Variants in PLA2G5 observed in about 807,000 individuals in gnomAD.
PLA2G5 encodes phospholipase A2 group V.
In PLA2G5, 12 loss-of-function variants were observed where a neutral mutation model predicts 15.9. The observed-to-expected ratio is 0.76, with a 90% confidence interval of 0.48 to 1.23. PLA2G5 has a LOEUF of 1.23. PLA2G5 is among the 50% of genes most tolerant of loss of function. The pLI is 0.00. For missense variants in PLA2G5, 169 were observed against 177.1 expected, an observed-to-expected ratio of 0.95 and a Z score of 0.26; for synonymous variants, 71 against 71.4, an observed-to-expected ratio of 0.99 and a Z score of 0.03.
chr1:20,052,173 CAA>C (rs34853506), intron 1 of PLA2G5, among the ~76,000 whole-genome samples: 25,157 of 101,562 alleles, frequency 0.25, 1,638 homozygotes, highest in Admixed American at 0.3. Flanking sequence ...GACTCCATCT[CAA>C]AAAAAAAAAA....
intron 3 of PLA2G5, among the ~76,000 whole-genome samples, chr1:20,086,611 C>A (rs753016371): frequency 6.6e-6 from 1 of 152,172 alleles, no homozygotes; most frequent in Non-Finnish European, 1.5e-5. Flanking sequence ...GGCCTAGGAG[C>A]GGGTCAGAGG....
chr1:20,077,278 A>G (rs2015739586), intron 1 of PLA2G5, among the ~76,000 whole-genome samples: 1 of 152,312 alleles, frequency 6.6e-6, no homozygotes, highest in East Asian at 1.9e-4. Context: ...GGGAACTGGG[A>G]AAGACTGTTT....
intron 3 of PLA2G5, among the ~76,000 whole-genome samples, chr1:20,086,511 T>A (rs1319029772): frequency 6.6e-6 from 1 of 152,204 alleles, no homozygotes; most frequent in Admixed American, 6.5e-5. Flanking sequence ...TGGGGATGGC[T>A]TGTCGCAGCT....
At chr1:20,068,943 G>C (rs779370920), upstream of PLA2G5, 15 of 1,289,096 alleles carry the variant, frequency 1.2e-5, no homozygotes, top group Non-Finnish European at 1.5e-5. Flanking sequence ...AGCCAGGAAG[G>C]ACCCGGATGG....
chr1:20,090,419 CTT>C, intron 4 of PLA2G5, 147 bp from the exon 5 acceptor site: 1 of 778,214 alleles, frequency 1.3e-6, no homozygotes, highest in African/African-American at 1.7e-5. Flanking sequence ...AGCTGTGCCC[CTT>C]CCATCAGATT....
chr1:20,082,985 A>T (rs149677291), intron 1 of PLA2G5, among the ~76,000 whole-genome samples: 1 of 152,144 alleles, frequency 6.6e-6, no homozygotes, highest in Non-Finnish European at 1.5e-5. Context: ...GTTTAAAAGG[A>T]CAGACACCGG....
At chr1:20,058,796 C>T (rs773782179) in intron 1 of PLA2G5, among the ~76,000 whole-genome samples, 8 of 152,232 alleles carry the variant, frequency 5.3e-5, no homozygotes, top group Middle Eastern at 6.8e-3. Flanking sequence ...GCAGCCCAGT[C>T]TTGAGGCTGA....
In PLA2G5 at chr1:20,035,128, G is replaced by T. The variant is rs149075545; in HGVS notation, n.276+6419G>T. Among the ~76,000 whole-genome samples, 264 of 152,246 alleles carry T rather than the reference G, an allele frequency of 1.7e-3. 4 individuals are homozygous for T. The highest frequency in any genetic ancestry group is 6.2e-3 in the African/African-American group (257 of 41,546). ...CAAAATGTTAGATTTTGAAGCGAAG[G>T]CAAGGGTTAAAGAAAGGTACAGAAA... On this transcript the variant is annotated intron_variant and non_coding_transcript_variant, in intron 1 of 6. Coordinates refer to the PLA2G5 transcript ENST00000460175.
At chr1:20,071,956 A>C (rs1225403987) in intron 1 of PLA2G5, among the ~76,000 whole-genome samples, 4 of 152,076 alleles carry the variant, frequency 2.6e-5, no homozygotes, top group African/African-American at 9.7e-5. Flanking sequence ...AAAAATACAA[A>C]AATTAGCCAG....
upstream of PLA2G5, chr1:20,068,867 T>C (rs1012429773): frequency 7.1e-5 from 78 of 1,104,338 alleles, no homozygotes; most frequent in African/African-American, 1.1e-3. Flanking sequence ...TGTTGCCTCC[T>C]GGAAGCCGCT....
At chr1:20,039,391 A>G (rs2013463051) in intron 1 of PLA2G5, among the ~76,000 whole-genome samples, 1 of 152,218 alleles carries the variant, frequency 6.6e-6, no homozygotes, top group African/African-American at 2.4e-5. Flanking sequence ...AAGCAATGTT[A>G]TATCTGGCCC....
intron 3 of PLA2G5, among the ~76,000 whole-genome samples, chr1:20,086,981 T>C (rs1044366505): frequency 1.3e-5 from 2 of 152,164 alleles, no homozygotes; most frequent in Admixed American, 6.5e-5. Context: ...GAAGGACAGA[T>C]GGTTGGGGCC....
chr1:20,058,424 G>T (rs2014545436), intron 1 of PLA2G5, among the ~76,000 whole-genome samples: 1 of 152,100 alleles, frequency 6.6e-6, no homozygotes, highest in African/African-American at 2.4e-5. Flanking sequence ...AATCTGCTTT[G>T]CAGAAATTAA....
At chr1:20,056,840 G>C (rs953599918) in intron 1 of PLA2G5, among the ~76,000 whole-genome samples, 2 of 151,958 alleles carry the variant, frequency 1.3e-5, no homozygotes, top group Non-Finnish European at 2.9e-5. Flanking sequence ...AAACTATCTG[G>C]GCCTAATAGT....
At chr1:20,063,313 G>C (rs897921503) in intron 2 of PLA2G5, among the ~76,000 whole-genome samples, 1 of 152,190 alleles carries the variant, frequency 6.6e-6, no homozygotes, top group African/African-American at 2.4e-5. Flanking sequence ...TCGACTTTCT[G>C]AGTCTATCAA....
intron 2 of PLA2G5, among the ~76,000 whole-genome samples, chr1:20,062,443 T>G (rs1331856201): frequency 6.6e-6 from 1 of 152,114 alleles, no homozygotes; most frequent in Non-Finnish European, 1.5e-5. Flanking sequence ...AGAGGAAAAC[T>G]CTGGTGGCTT....
intron 1 of PLA2G5, among the ~76,000 whole-genome samples, chr1:20,072,226 C>T (rs2015416455): frequency 6.6e-6 from 1 of 152,168 alleles, no homozygotes; most frequent in Admixed American, 6.5e-5. Flanking sequence ...TCATCGATCA[C>T]CACCTGACAA....
chr1:20,032,849 T>C (rs1373256244), intron 1 of PLA2G5, among the ~76,000 whole-genome samples: 2 of 152,200 alleles, frequency 1.3e-5, no homozygotes. Flanking sequence ...CCTGCCAGGC[T>C]GCTGAATTTG....
chr1:20,048,006 A>C (rs2014002089), intron 1 of PLA2G5, among the ~76,000 whole-genome samples: 1 of 152,112 alleles, frequency 6.6e-6, no homozygotes, highest in Admixed American at 6.6e-5. Flanking sequence ...AGAATTTTAA[A>C]GTCTGAGAGG....
Sources: allele counts gnomAD v4.1 joint callset (sites outside exome capture counted in the v4.1 genomes callset), GRCh38; gene constraint gnomAD v4.1.1; transcripts MANE v1.5; gene names NCBI Gene and HGNC (gene_info 2026-07-23, HGNC 2026-07-21).